DRG1: variants seen among roughly 807,000 people sequenced by gnomAD.
The protein encoded by DRG1 is developmentally-regulated GTP-binding protein 1.
A neutral mutation model predicts 38.8 loss-of-function variants in DRG1; 19 were observed. The ratio of observed to expected loss-of-function variants is 0.49; its 90% CI spans 0.34 to 0.72. The LOEUF is 0.72. Ranked by LOEUF, DRG1 falls within the 30% of genes least tolerant of loss-of-function variation. The pLI is 0.01. For synonymous variants in DRG1, 167 were observed against 157.5 expected (o/e 1.06, Z -0.45); for missense variants, 299 against 444.8 (o/e 0.67, Z 2.95).
intron 4 of DRG1, among the ~76,000 whole-genome samples, chr22:31,413,014 G>A (rs552219805): frequency 1.5e-3 from 232 of 151,868 alleles, no homozygotes; most frequent in Middle Eastern, 0.01. Context: ...TGTTTTCTTT[G>A]ATAATTGCCT....
intron 4 of DRG1, among the ~76,000 whole-genome samples, 167 bp from the exon 5 acceptor site, chr22:31,420,088 TC>T (rs2050067794): frequency 6.6e-6 from 1 of 152,166 alleles, no homozygotes; most frequent in Non-Finnish European, 1.5e-5. Flanking sequence ...CAAATTGACT[TC>T]TGGTATAAAT....
At chr22:31,407,723 T>C (rs891265720) in intron 3 of DRG1, among the ~76,000 whole-genome samples, 1 of 149,124 alleles carries the variant, frequency 6.7e-6, no homozygotes, top group Admixed American at 6.8e-5. Flanking sequence ...AATGGAGAAG[T>C]TGAACTGTCT....
chr22:31,433,073 T>C (rs1442078061), intron 8 of DRG1, among the ~76,000 whole-genome samples: 1 of 151,964 alleles, frequency 6.6e-6, no homozygotes, highest in Non-Finnish European at 1.5e-5. Flanking sequence ...GGAGGACATA[T>C]CAATTACAGT....
chr22:31,422,866 C>T (rs2050084442), intron 5 of DRG1, among the ~76,000 whole-genome samples: 1 of 152,130 alleles, frequency 6.6e-6, no homozygotes, highest in African/African-American at 2.4e-5. Flanking sequence ...AGGCTTCTGT[C>T]CTTGGCTTAC....
intron 1 of DRG1, 74 bp from the exon 2 acceptor site, chr22:31,400,546 A>G (rs1252297540): frequency 7.7e-6 from 12 of 1,568,488 alleles, no homozygotes; most frequent in Admixed American, 7.0e-5. Context: ...GGACTTGGGG[A>G]AAAAAATTAT....
intron 8 of DRG1, among the ~76,000 whole-genome samples, chr22:31,430,057 T>G (rs1191233991): frequency 6.6e-6 from 1 of 152,198 alleles, no homozygotes; most frequent in Non-Finnish European, 1.5e-5. Context: ...AGCCACCCTT[T>G]CCTTACTTTT....
At chr22:31,406,623 C>T (rs940124676) in intron 3 of DRG1, among the ~76,000 whole-genome samples, 1 of 151,222 alleles carries the variant, frequency 6.6e-6, no homozygotes. Flanking sequence ...TGCAGTGAGC[C>T]GAGATCGTGT....
intron 1 of DRG1, 112 bp from the exon 2 acceptor site, chr22:31,400,508 C>CT: frequency 7.2e-7 from 1 of 1,392,872 alleles, no homozygotes; most frequent in Non-Finnish European, 9.9e-7. Flanking sequence ...CTTTTAAAGC[C>CT]TGTAAACTGG....
rs2049949509 is a variant in DRG1, at chr22:31,399,668, CAG to C, written c.-15_-14del. The C allele has an allele frequency of 6.2e-7, 1 of 1,613,914 alleles. No individual in the cohort carries two copies. The highest frequency in any genetic ancestry group is 1.7e-5 in the Admixed American group (1 of 59,990). On this transcript the variant is annotated 5_prime_UTR_variant, in exon 1 of 9. Transcript: ENST00000331457. ...GTGAAGGGAGACAGTGTGGAGGCCA[CAG>C]GGTACTCGCCACGATGAGCAGCACC... is the stretch of plus-strand genomic sequence containing the variant.
intron 6 of DRG1, among the ~76,000 whole-genome samples, chr22:31,426,356 A>C (rs1053506337): frequency 6.6e-6 from 1 of 152,230 alleles, no homozygotes; most frequent in East Asian, 1.9e-4. Context: ...CAGTCTGAGC[A>C]CTTCAAAGCT....
intron 4 of DRG1, among the ~76,000 whole-genome samples, chr22:31,416,619 G>C (rs1182200469): frequency 6.6e-6 from 1 of 152,130 alleles, no homozygotes; most frequent in African/African-American, 2.4e-5. Flanking sequence ...GCCAGGCATG[G>C]TGGCAGGTAC....
chr22:31,399,734 C>T lies in DRG1; in HGVS notation c.42+9C>T. On this transcript the variant is annotated intron_variant, in intron 1 of 8. Coordinates refer to ENST00000331457, the MANE Select transcript of DRG1 (RefSeq NM_004147.4). ...CGGAGATAGAAGCAGAGGTAATGGA[C>T]GCAGCTGGCGGTTCACTCTTAGTCT... 6.2e-7 allele frequency: 1 copy of T among 1,613,958 alleles called. No homozygotes were observed. The highest frequency in any genetic ancestry group is 8.5e-7 in the Non-Finnish European group (1 of 1,179,850).
Position 31,426,665 on chromosome 22 carries a change from T to C in DRG1, c.764T>C (p.Ile255Thr), listed in dbSNP as rs1430897558. The change falls in exon 7 of 9, where the codon ATT (isoleucine) becomes ACT (threonine). Residue 255 changes from isoleucine to threonine, a missense_variant. Ile to Thr is a moderately conservative substitution (Grantham distance 89). Around this residue, in one of 3 missense-constraint regions of DRG1, gnomAD observed 198 missense variants for 268.1 expected, o/e 0.74. Coordinates refer to ENST00000331457, the MANE Select transcript of DRG1 (RefSeq NM_004147.4). ...TTAAATAAGATTGACCAAATCTCCATTGAGGAATTGGATATCATCTATAAG... is the reference window on the plus strand; with the variant it reads ...TTAAATAAGATTGACCAAATCTCCACTGAGGAATTGGATATCATCTATAAG... ...YVLNKIDQIS[I>T]EELDIIYKVP... 3.1e-6 allele frequency: 5 copies of C among 1,613,838 alleles called. No individual in the cohort carries two copies. The East Asian group carries it at 6.7e-5, about 22-fold the overall frequency.
intron 5 of DRG1, among the ~76,000 whole-genome samples, chr22:31,421,638 G>T (rs1308981623): frequency 6.6e-6 from 1 of 151,850 alleles, no homozygotes; most frequent in East Asian, 1.9e-4. Flanking sequence ...TTGGGAGGTT[G>T]AGGCAGGAGG....
intron 6 of DRG1, among the ~76,000 whole-genome samples, chr22:31,425,406 G>T (rs763922189): frequency 2.0e-5 from 3 of 151,264 alleles, no homozygotes; most frequent in Non-Finnish European, 4.4e-5. Flanking sequence ...CATCCTAAGA[G>T]TATGTAGCTG....
intron 4 of DRG1, among the ~76,000 whole-genome samples, chr22:31,416,629 C>G (rs982034244): frequency 2.0e-5 from 3 of 151,974 alleles, no homozygotes; most frequent in Non-Finnish European, 4.4e-5. Context: ...GTGGCAGGTA[C>G]CTGTAATTCC....
At chr22:31,413,129 CTG>C (rs2050026638) in intron 4 of DRG1, among the ~76,000 whole-genome samples, 1 of 152,152 alleles carries the variant, frequency 6.6e-6, no homozygotes, top group Admixed American at 6.6e-5. Context: ...GAGTCTCACT[CTG>C]TCACCCAGGC....
chr22:31,431,336 CT>C (rs1011369066), intron 8 of DRG1, among the ~76,000 whole-genome samples: 2 of 151,888 alleles, frequency 1.3e-5, no homozygotes, highest in African/African-American at 2.4e-5. Flanking sequence ...GCCCGCCGCA[CT>C]TTTTTTTCTG....
At chr22:31,430,733 T>G (rs966154494) in intron 8 of DRG1, among the ~76,000 whole-genome samples, 1 of 151,910 alleles carries the variant, frequency 6.6e-6, no homozygotes, top group Non-Finnish European at 1.5e-5. Flanking sequence ...CCACTTAGTA[T>G]TATTTTTGAG....
Sources: allele counts gnomAD v4.1 joint callset (sites outside exome capture counted in the v4.1 genomes callset), GRCh38; gene constraint gnomAD v4.1.1; regional missense constraint gnomAD v4.1.1; transcripts MANE v1.5; gene names NCBI Gene and HGNC (gene_info 2026-07-23, HGNC 2026-07-21).